Variants in TYR observed in about 807,000 individuals in gnomAD.
TYR encodes the protein tyrosinase.
TYR carries 58 observed loss-of-function variants against 51.5 expected under a neutral mutation model. The ratio of observed to expected loss-of-function variants is 1.13; its 90% CI spans 0.91 to 1.40. TYR has a LOEUF of 1.40. TYR is among the 40% of genes most tolerant of loss of function. TYR has a pLI of 0.00. For synonymous variants in TYR, 263 were observed against 235.2 expected (o/e 1.12, Z -1.08); for missense variants, 732 against 647.4 (o/e 1.13, Z -1.42).
chr11:89,235,260 A>G (rs1944096259), intron 3 of TYR, among the ~76,000 whole-genome samples: 1 of 152,190 alleles, frequency 6.6e-6, no homozygotes. Flanking sequence ...GGAAAATAGC[A>G]TGGAGCTTCC....
intron 3 of TYR, among the ~76,000 whole-genome samples, chr11:89,263,006 A>G (rs1393411253): frequency 1.3e-5 from 2 of 151,820 alleles, no homozygotes; most frequent in African/African-American, 4.8e-5. Context: ...GACTTACTCT[A>G]TGGGGCCAGT....
chr11:89,199,356 T>C (rs571024083), intron 2 of TYR, among the ~76,000 whole-genome samples: 49 of 152,310 alleles, frequency 3.2e-4, no homozygotes, highest in African/African-American at 1.2e-3. Context: ...AATTTATTGT[T>C]CATGCCAAAT....
chr11:89,268,903 T>C (rs1944556876), intron 3 of TYR, among the ~76,000 whole-genome samples: 1 of 151,968 alleles, frequency 6.6e-6, no homozygotes, highest in Non-Finnish European at 1.5e-5. Flanking sequence ...TTCTATGTGA[T>C]ACCTTTCCCA....
chr11:89,272,388 T>C (rs2135315718), intron 3 of TYR, among the ~76,000 whole-genome samples: 1 of 151,434 alleles, frequency 6.6e-6, no homozygotes, highest in African/African-American at 2.4e-5. Context: ...ATATTTTGAA[T>C]GAAATCTTTT....
intron 3 of TYR, among the ~76,000 whole-genome samples, chr11:89,244,485 T>C (rs1362459018): frequency 6.6e-6 from 1 of 152,238 alleles, no homozygotes; most frequent in East Asian, 1.9e-4. Flanking sequence ...TTGGTAATTC[T>C]CTGCATGGAA....
chr11:89,256,625 A>G (rs1248045107), intron 3 of TYR, among the ~76,000 whole-genome samples: 3 of 151,724 alleles, frequency 2.0e-5, no homozygotes, highest in African/African-American at 7.3e-5. Flanking sequence ...TCAAAAGTGG[A>G]AAAAAAACTG....
At chr11:89,203,771 CAG>C (rs1943631494) in intron 2 of TYR, among the ~76,000 whole-genome samples, 2 of 151,974 alleles carry the variant, frequency 1.3e-5, no homozygotes, top group African/African-American at 2.4e-5. Flanking sequence ...CAAAACAAAA[CAG>C]AAAGAAAAAA....
intron 3 of TYR, among the ~76,000 whole-genome samples, chr11:89,259,911 G>A (rs2135306250): frequency 6.6e-6 from 1 of 152,026 alleles, no homozygotes; most frequent in African/African-American, 2.4e-5. Context: ...TTTTTAGTTA[G>A]GAGTTGATGG....
chr11:89,236,408 A>C (rs1944114727), intron 3 of TYR, among the ~76,000 whole-genome samples: 1 of 152,184 alleles, frequency 6.6e-6, no homozygotes. Context: ...AACCTTTGAA[A>C]ATTAGAATTT....
chr11:89,273,256 C>T (rs1395714747), intron 3 of TYR, among the ~76,000 whole-genome samples: 1 of 151,858 alleles, frequency 6.6e-6, no homozygotes, highest in Non-Finnish European at 1.5e-5. Flanking sequence ...TAAAGTGACT[C>T]TTCCTTTCAA....
At chr11:89,227,492 G>T (rs1412071073) in intron 2 of TYR, among the ~76,000 whole-genome samples, 1 of 152,132 alleles carries the variant, frequency 6.6e-6, no homozygotes, top group African/African-American at 2.4e-5. Flanking sequence ...GAAAGTGACT[G>T]CTGGTTATTA....
At chr11:89,237,357 C>T (rs1944130276) in intron 3 of TYR, among the ~76,000 whole-genome samples, 2 of 151,952 alleles carry the variant, frequency 1.3e-5, no homozygotes, top group South Asian at 4.2e-4. Flanking sequence ...AGTCTTTAAC[C>T]CATTTTGATT....
chr11:89,217,576 G>A (rs1943848747), intron 2 of TYR, among the ~76,000 whole-genome samples: 1 of 152,162 alleles, frequency 6.6e-6, no homozygotes, highest in Non-Finnish European at 1.5e-5. Flanking sequence ...ATAAATGTGA[G>A]GTTCATTGTG....
intron 3 of TYR, among the ~76,000 whole-genome samples, chr11:89,279,064 G>A (rs937897861): frequency 6.6e-6 from 1 of 151,610 alleles, no homozygotes; most frequent in Non-Finnish European, 1.5e-5. Flanking sequence ...CAAAGGTGTA[G>A]AGGGACTCAA....
intron 3 of TYR, among the ~76,000 whole-genome samples, chr11:89,280,365 T>G (rs1251868013): frequency 6.6e-6 from 1 of 151,626 alleles, no homozygotes; most frequent in African/African-American, 2.4e-5. Flanking sequence ...TACATTTCAG[T>G]TTGGGAAGTT....
chr11:89,252,855 C>T (rs1944346842), intron 3 of TYR, among the ~76,000 whole-genome samples: 1 of 151,622 alleles, frequency 6.6e-6, no homozygotes, highest in Non-Finnish European at 1.5e-5. Flanking sequence ...TCAGGAAATA[C>T]TCCTTTGTTA....
At chr11:89,237,188 G>T (rs770737610) in intron 3 of TYR, among the ~76,000 whole-genome samples, 3 of 152,016 alleles carry the variant, frequency 2.0e-5, no homozygotes, top group African/African-American at 7.2e-5. Context: ...TTTCTTGGCT[G>T]CAGGAAGCTT....
intron 2 of TYR, chr11:89,200,597 AATTT>A (rs1943585095): frequency 1.3e-5 from 2 of 152,078 alleles, no homozygotes; most frequent in South Asian, 2.1e-4. Context: ...TATTTGTATT[AATTT>A]ATTTAAAAAA....
At chr11:89,209,556 C>G (rs922094985) in intron 2 of TYR, among the ~76,000 whole-genome samples, 1 of 152,232 alleles carries the variant, frequency 6.6e-6, no homozygotes, top group Non-Finnish European at 1.5e-5. Flanking sequence ...AGGCATCAGA[C>G]AGCTTATGCA....
Sources: gnomAD v4.1 joint callset for allele counts (sites outside exome capture counted in the v4.1 genomes callset) on GRCh38, gnomAD v4.1.1 for gene constraint, MANE v1.5 for transcripts, NCBI Gene and HGNC (gene_info 2026-07-23, HGNC 2026-07-21) for gene names.